The following LPAR3 variants were observed in gnomAD, a reference collection of about 807,000 sequenced individuals.
The protein encoded by LPAR3 is lysophosphatidic acid receptor 3.
In LPAR3, 7 loss-of-function variants were observed where a neutral mutation model predicts 17.8. The observed-to-expected ratio is 0.39, with a 90% confidence interval of 0.22 to 0.74. LPAR3 has a LOEUF of 0.74. Among genes scored for constraint, LPAR3 ranks in the 30% least tolerant of loss-of-function variants. LPAR3 has a pLI of 0.40. For synonymous variants in LPAR3, 179 were observed against 179.9 expected, an observed-to-expected ratio of 0.99 and a Z score of 0.04; for missense variants, 391 against 453.4, an observed-to-expected ratio of 0.86 and a Z score of 1.25.
At position 84,817,682 on chromosome 1, in the gene LPAR3, A is replaced by T. The variant is rs572347552; in HGVS notation, c.737-3511T>A. Among the ~76,000 whole-genome samples the T allele has an allele frequency of 9.9e-5, 15 of 152,066 alleles. No homozygotes were observed. The South Asian group carries it at 3.1e-3, about 32-fold the overall frequency. ...TCATTGGAAACAGCATAAAGATGAG[A>T]TCAGCAGATTTTTATTTCTCTTCTG... On this transcript the variant is annotated intron_variant, in intron 2 of 2. Coordinates refer to ENST00000370611, the MANE Select transcript of LPAR3 (RefSeq NM_012152.3).
rs1044989088 is a variant in LPAR3 at position 84,835,476 on chromosome 1, CGT to C, written c.737-21307_737-21306del. 1.5e-4 allele frequency among the ~76,000 whole-genome samples: 23 copies of C among 151,874 alleles called. No individual in the cohort carries two copies. In the South Asian group the frequency reaches 4.2e-3, roughly 27 times the overall value. On this transcript the variant is annotated intron_variant, in intron 2 of 2. Transcript: ENST00000370611. ...GTGTACGTGTGTGTACGTGTGTGTACGTGTGTGTGTTTTATCTAAACAATGAG... is the reference window on the plus strand; with the variant it reads ...GTGTACGTGTGTGTACGTGTGTGTACGTGTGTGTTTTATCTAAACAATGAG...
intron 1 of LPAR3, among the ~76,000 whole-genome samples, chr1:84,888,484 G>A (rs1443638851): frequency 6.6e-6 from 1 of 152,096 alleles, no homozygotes; most frequent in Non-Finnish European, 1.5e-5. Context: ...CTTAACTCTG[G>A]CTTTCTACCT....
Position 84,888,155 on chromosome 1 carries a change from C to T in LPAR3, c.-19+4861G>A, listed in dbSNP as rs61768784. ...ATATATATATATATACATACATACACACACACACACACACACACACACACA... is the reference window on the plus strand; with the variant it reads ...ATATATATATATATACATACATACATACACACACACACACACACACACACA... On this transcript the variant is annotated intron_variant, in intron 1 of 2. Transcript: ENST00000370611. 6.5e-5 allele frequency among the ~76,000 whole-genome samples: 5 copies of T among 77,494 alleles called. 1 individual carries two copies. Among genetic ancestry groups the T allele is most frequent in the Admixed American group, 1.7e-4 (1 of 5,946 alleles). The allele number at this position is 77,494 out of a possible 152,430, so 50.8% of individuals were successfully genotyped here.
chr1:84,845,951 A>G (rs1474423288), intron 2 of LPAR3, among the ~76,000 whole-genome samples: 3 of 152,140 alleles, frequency 2.0e-5, no homozygotes, highest in Non-Finnish European at 4.4e-5. Flanking sequence ...CGTTCCACCA[A>G]TTCCACACAG....
intron 2 of LPAR3, among the ~76,000 whole-genome samples, chr1:84,862,692 T>C (rs1361483308): frequency 6.6e-6 from 1 of 152,234 alleles, no homozygotes; most frequent in Non-Finnish European, 1.5e-5. Context: ...CCTAGAGGCA[T>C]TGTGAGGGTT....
intron 2 of LPAR3, 71 bp from the exon 3 acceptor site, chr1:84,814,242 A>C: frequency 7.6e-7 from 1 of 1,314,088 alleles, no homozygotes; most frequent in South Asian, 1.3e-5. Flanking sequence ...CTTCTCTCCC[A>C]GCCTTTAGCC....
At chr1:84,857,818 C>A (rs895187903) in intron 2 of LPAR3, among the ~76,000 whole-genome samples, 2 of 152,192 alleles carry the variant, frequency 1.3e-5, no homozygotes, top group African/African-American at 4.8e-5. Context: ...AGACATTGAA[C>A]CTTTTCGGGC....
chr1:84,860,479 C>T lies in LPAR3; in HGVS notation c.736+4906G>A, dbSNP rs139362299. 7.3e-4 allele frequency among the ~76,000 whole-genome samples: 111 copies of T among 152,226 alleles called. 1 individual carries two copies. Among genetic ancestry groups the T allele is most frequent in the African/African-American group, 2.6e-3 (108 of 41,532 alleles). On this transcript the variant is annotated intron_variant, in intron 2 of 2. Transcript: ENST00000370611. ...CACACTTCTGAGTATGCCATTTCTCCCTCTTAGAATGTGTCTTCCTCCAGC... is the reference window on the plus strand; with the variant it reads ...CACACTTCTGAGTATGCCATTTCTCTCTCTTAGAATGTGTCTTCCTCCAGC...
chr1:84,891,100 A>G (rs1660544233), intron 1 of LPAR3, among the ~76,000 whole-genome samples: 1 of 151,960 alleles, frequency 6.6e-6, no homozygotes, highest in Non-Finnish European at 1.5e-5. Flanking sequence ...AAACATATGC[A>G]GGCCTGTTCT....
At chr1:84,858,415 C>T (rs1482267376) in intron 2 of LPAR3, among the ~76,000 whole-genome samples, 3 of 140,956 alleles carry the variant, frequency 2.1e-5, no homozygotes, top group East Asian at 2.2e-4. Context: ...ACCCAGGAGG[C>T]GGAGGTTGCA....
At chr1:84,838,096 G>C (rs531169613) in intron 2 of LPAR3, among the ~76,000 whole-genome samples, 1 of 152,228 alleles carries the variant, frequency 6.6e-6, no homozygotes, top group African/African-American at 2.4e-5. Flanking sequence ...GCACAGGCCA[G>C]CTCCTGGAGA....
At chr1:84,841,584 T>G (rs1481241953) in intron 2 of LPAR3, among the ~76,000 whole-genome samples, 1 of 152,058 alleles carries the variant, frequency 6.6e-6, no homozygotes, top group East Asian at 1.9e-4. Flanking sequence ...CCAGAAAAAC[T>G]AAAATAAATA....
intron 1 of LPAR3, among the ~76,000 whole-genome samples, chr1:84,888,484 G>T (rs1443638851): frequency 1.3e-5 from 2 of 152,096 alleles, no homozygotes; most frequent in Admixed American, 6.5e-5. Flanking sequence ...CTTAACTCTG[G>T]CTTTCTACCT....
chr1:84,813,832 G>T lies in LPAR3; in HGVS notation c.*14C>A, dbSNP rs764953080. 1.2e-6 allele frequency: 2 copies of T among 1,605,516 alleles called. No homozygotes were observed. Among genetic ancestry groups the T allele is most frequent in the South Asian group, 2.2e-5 (2 of 90,704 alleles). On this transcript the variant is annotated 3_prime_UTR_variant, in exon 3 of 3. Coordinates refer to ENST00000370611, the MANE Select transcript of LPAR3 (RefSeq NM_012152.3). Reference sequence around the variant, plus strand: ...CCCAGAGGAGGCCTGGGTGGGCCGAGAGGCATCCAGAGTTTAGGAAGTGCT... The same window carrying T: ...CCCAGAGGAGGCCTGGGTGGGCCGATAGGCATCCAGAGTTTAGGAAGTGCT...
intron 2 of LPAR3, among the ~76,000 whole-genome samples, chr1:84,841,352 C>CA (rs1211668246): frequency 1.3e-5 from 2 of 151,982 alleles, no homozygotes; most frequent in South Asian, 2.1e-4. Context: ...CATTTTGAAA[C>CA]AAAAAAACCC....
At chr1:84,853,419 G>C (rs1659758671) in intron 2 of LPAR3, among the ~76,000 whole-genome samples, 1 of 152,322 alleles carries the variant, frequency 6.6e-6, no homozygotes, top group Non-Finnish European at 1.5e-5. Flanking sequence ...GAATGAGACA[G>C]GGCAAAGCTC....
intron 2 of LPAR3, among the ~76,000 whole-genome samples, chr1:84,849,389 A>G (rs948197755): frequency 6.6e-6 from 1 of 151,200 alleles, no homozygotes; most frequent in Non-Finnish European, 1.5e-5. Flanking sequence ...AAAAAAAAAA[A>G]AAAAGAAAGA....
Position 84,815,393 on chromosome 1 carries a change from C to T in LPAR3, c.737-1222G>A, listed in dbSNP as rs115302271. 2.2e-3 allele frequency among the ~76,000 whole-genome samples: 337 copies of T among 152,278 alleles called. 1 individual carries two copies. The highest frequency in any genetic ancestry group is 7.4e-3 in the African/African-American group (307 of 41,532). On this transcript the variant is annotated intron_variant, in intron 2 of 2. Transcript: ENST00000370611. ...TAGACAGTGAGTGAGGTGAAGGCCACGCACTCAGGGAGCTAAAATACTAAC... is the reference window on the plus strand; with the variant it reads ...TAGACAGTGAGTGAGGTGAAGGCCATGCACTCAGGGAGCTAAAATACTAAC...
intron 1 of LPAR3, among the ~76,000 whole-genome samples, chr1:84,866,521 C>G (rs938886905): frequency 3.3e-5 from 5 of 152,104 alleles, no homozygotes; most frequent in Non-Finnish European, 7.4e-5. Context: ...TGTGCTGAGC[C>G]CTGCAATATC....
Sources: gnomAD v4.1 joint callset for allele counts (sites outside exome capture counted in the v4.1 genomes callset) on GRCh38, gnomAD v4.1.1 for gene constraint, MANE v1.5 for transcripts, NCBI Gene and HGNC (gene_info 2026-07-23, HGNC 2026-07-21) for gene names.